MRPS2: variants seen among roughly 807,000 people sequenced by gnomAD.
MRPS2 encodes small ribosomal subunit protein uS2m.
In MRPS2, 13 loss-of-function variants were observed where a neutral mutation model predicts 18.9. The observed-to-expected ratio is 0.69, with a 90% CI of 0.45 to 1.09. The LOEUF (loss-of-function observed/expected upper bound fraction) is 1.09. Ranked by LOEUF, MRPS2 falls within the 50% of genes least tolerant of loss-of-function variation. MRPS2 has a pLI of 0.00. For synonymous variants in MRPS2, 186 were observed against 178.4 expected (o/e 1.04, Z -0.34); for missense variants, 389 against 421.7 (o/e 0.92, Z 0.68).
intron 3 of MRPS2, chr9:135,502,588 G>C (rs1356346521): frequency 6.4e-6 from 1 of 155,138 alleles, no homozygotes; most frequent in African/African-American, 2.4e-5. Flanking sequence ...TACTGAGATG[G>C]TGAAAACCAG....
At position 135,504,212 on chromosome 9, in the gene MRPS2, G is replaced by T; in HGVS notation, c.*79G>T. The T allele has an allele frequency of 7.8e-7, 1 of 1,281,220 alleles. No homozygotes were observed. The highest frequency in any genetic ancestry group is 2.5e-5 in the East Asian group (1 of 39,780). The allele number at this position is 1,281,220 out of a possible 1,614,324, so 79.4% of individuals were successfully genotyped here. A position where few individuals can be genotyped will look rare whatever the true frequency, so the allele number is the denominator to read the frequency against. On this transcript the variant is annotated 3_prime_UTR_variant, in exon 4 of 4. Coordinates refer to ENST00000241600, the MANE Select transcript of MRPS2 (RefSeq NM_016034.5). The surrounding 1 kb of genome is among the most constrained non-coding windows in gnomAD (Gnocchi z 4.3). ...CCCCTTCCCCAGCCCTGGGTCAGCG[G>T]CATCCTCAGTCGTTGTTACTTACTC...
upstream of MRPS2, chr9:135,500,119 A>G (rs573657260): frequency 6.5e-6 from 3 of 462,700 alleles, no homozygotes; most frequent in African/African-American, 6.2e-5. Flanking sequence ...CAGGGCGTGG[A>G]CTCCCGGGCG....
rs780062327 is a variant in MRPS2, at chr9:135,503,673, T to G, written c.431T>G (p.Phe144Cys). Reference protein sequence around the residue: ...HMAYRKGIILFISRNRQFSYL... With the variant: ...HMAYRKGIILCISRNRQFSYL... ...GCCTACCGCAAGGGCATCATCTTGT[T>G]TATAAGCCGCAACCGGCAGTTCTCG... Residue 144 changes from phenylalanine (F) to cysteine (C), a missense_variant, in exon 4 of 4, where the codon TTT becomes TGT. Physicochemically the swap from Phe to Cys is radical, Grantham distance 205. Transcript: ENST00000241600. The G allele has an allele frequency of 2.5e-6, 4 of 1,613,680 alleles. No individual in the cohort carries two copies. Among genetic ancestry groups the G allele is most frequent in the Non-Finnish European group, 3.4e-6 (4 of 1,180,040 alleles).
At chr9:135,502,187 C>T in intron 3 of MRPS2, 1 of 1,373,422 alleles carries the variant, frequency 7.3e-7, no homozygotes, top group Non-Finnish European at 9.4e-7. Flanking sequence ...GCGCTCACAG[C>T]CCTTGATAGG....
At chr9:135,503,498 C>T (rs756466004) in intron 3 of MRPS2, 44 bp from the exon 4 acceptor site, 2 of 1,563,926 alleles carry the variant, frequency 1.3e-6, no homozygotes, top group Non-Finnish European at 1.7e-6. Context: ...TGGAGATGGC[C>T]CCGTGAACTC....
In MRPS2 at chr9:135,504,214, A is replaced by C; in HGVS notation, c.*81A>C. ...CCTTCCCCAGCCCTGGGTCAGCGGC[A>C]TCCTCAGTCGTTGTTACTTACTCAG... On this transcript the variant is annotated 3_prime_UTR_variant, in exon 4 of 4. Coordinates refer to ENST00000241600, the MANE Select transcript of MRPS2 (RefSeq NM_016034.5). The surrounding 1 kb of genome is among the most constrained non-coding windows in gnomAD (Gnocchi z 4.3). The C allele has an allele frequency of 7.9e-7, 1 of 1,268,102 alleles. No individual in the cohort carries two copies. The highest frequency in any genetic ancestry group is 1.1e-6 in the Non-Finnish European group (1 of 938,418). The allele number at this position is 1,268,102 out of a possible 1,614,324, so 78.6% of individuals were successfully genotyped here.
rs772577776 is a variant in MRPS2 at position 135,501,878 on chromosome 9, G to A, written c.204G>A (p.Lys68=). Residue 68 remains lysine, a synonymous_variant, in exon 3 of 4, where the codon AAG becomes AAA. Transcript: ENST00000241600. ...ACAAGATTTTGAATGAGCCCCTCAA[G>A]CACTCTGACTTCTTCAATGTCAAGG... ...FNDKILNEPL[K]HSDFFNVKEL... is the part of the protein sequence containing the mutation. 6.8e-6 allele frequency: 11 copies of A among 1,613,682 alleles called. No homozygotes were observed. In the Admixed American group the frequency reaches 8.3e-5, roughly 12 times the overall value.
In MRPS2 at chr9:135,501,869, G is replaced by A; in HGVS notation, c.195G>A (p.Glu65=). 6.2e-7 allele frequency: 1 copy of A among 1,613,754 alleles called. No homozygotes were observed. Among genetic ancestry groups the A allele is most frequent in the South Asian group, 1.1e-5 (1 of 91,086 alleles). ...ATTTCAACGACAAGATTTTGAATGAGCCCCTCAAGCACTCTGACTTCTTCA... is the reference window on the plus strand; with the variant it reads ...ATTTCAACGACAAGATTTTGAATGAACCCCTCAAGCACTCTGACTTCTTCA... ...STDFNDKILN[E]PLKHSDFFNV... is the part of the protein sequence containing the mutation. Residue 65 remains glutamate, a synonymous_variant, in exon 3 of 4, where the codon GAG becomes GAA. Transcript: ENST00000241600.
At chr9:135,502,369 A>G in intron 3 of MRPS2, 9 of 187,828 alleles carry the variant, frequency 4.8e-5, no homozygotes, top group Non-Finnish European at 8.3e-5. Context: ...GGGGGAGGGG[A>G]TGGGAGGGGC....
chr9:135,500,897 G>T, intron 1 of MRPS2, 101 bp from the exon 2 acceptor site: 2 of 1,569,788 alleles, frequency 1.3e-6, no homozygotes, highest in Non-Finnish European at 1.7e-6. Context: ...GACGCGGAGG[G>T]GACCCGTTAG....
rs1436136616 is a variant in MRPS2 at position 135,504,368 on chromosome 9, C to A, written c.*235C>A. The stretch of plus-strand genomic sequence containing the variant: ...GTGAGCGACATGTGCAGAACGGCCC[C>A]TTGGCTGCAGTTAGGACCTCAGTGG... On this transcript the variant is annotated 3_prime_UTR_variant, in exon 4 of 4. Transcript: ENST00000241600. The surrounding 1 kb of genome is among the most constrained non-coding windows in gnomAD (Gnocchi z 4.3). 7.1e-6 allele frequency: 4 copies of A among 563,176 alleles called. No individual in the cohort carries two copies. The highest frequency in any genetic ancestry group is 9.4e-6 in the Non-Finnish European group (3 of 318,906). 34.9% of individuals were successfully genotyped at this position (563,176 alleles called of 1,614,324 possible). A position where few individuals can be genotyped will look rare whatever the true frequency, so the allele number is the denominator to read the frequency against.
In MRPS2 at chr9:135,503,793, G is replaced by A. The variant is rs1363215547; in HGVS notation, c.551G>A (p.Gly184Asp). ...CTGACCAACGCGCGCCTCCTCTTTG[G>A]CCCCACGGTCCGCCTGCCGGACCTC... ...GMLTNARLLFGPTVRLPDLII... is the reference protein window; with the variant it reads ...GMLTNARLLFDPTVRLPDLII... Residue 184 changes from glycine (G) to aspartate (D), a missense_variant, in exon 4 of 4, where the codon GGC (glycine) becomes GAC (aspartate). Coordinates refer to ENST00000241600, the MANE Select transcript of MRPS2 (RefSeq NM_016034.5). The A allele has an allele frequency of 6.2e-7, 1 of 1,612,786 alleles. No homozygotes were observed. The highest frequency in any genetic ancestry group is 1.3e-5 in the African/African-American group (1 of 74,890).
At chr9:135,500,090 G>GA (rs2119354241), upstream of MRPS2, 2 of 519,276 alleles carry the variant, frequency 3.9e-6, no homozygotes, top group East Asian at 7.1e-5. Context: ...CCCGCGGGGG[G>GA]ACCGGGCCAC....
intron 2 of MRPS2, chr9:135,501,435 G>A (rs1163258109): frequency 9.2e-7 from 1 of 1,082,594 alleles, no homozygotes; most frequent in Middle Eastern, 3.6e-4. Flanking sequence ...GGGCCCAAGT[G>A]ACCTGGGGGC....
chr9:135,502,279 G>T, intron 3 of MRPS2: 2 of 1,181,552 alleles, frequency 1.7e-6, no homozygotes, highest in Admixed American at 4.2e-5. Flanking sequence ...TGGTCCCCCC[G>T]GATCGGGCTG....
In MRPS2 at chr9:135,503,659, G is replaced by C; in HGVS notation, c.417G>C (p.Lys139Asn). 1 of 1,613,866 alleles carries C rather than the reference G, an allele frequency of 6.2e-7. No homozygotes were observed. Among genetic ancestry groups the C allele is most frequent in the Non-Finnish European group, 8.5e-7 (1 of 1,180,026 alleles). The stretch of plus-strand genomic sequence containing the variant: ...TCACCGCCCACATGGCCTACCGCAA[G>C]GGCATCATCTTGTTTATAAGCCGCA... ...LNFTAHMAYR[K>N]GIILFISRNR... is the part of the protein sequence containing the mutation. Residue 139 changes from lysine to asparagine, a missense_variant, in exon 4 of 4, where the codon AAG becomes AAC. Transcript: ENST00000241600.
upstream of MRPS2, chr9:135,500,165 G>A (rs1460847390): frequency 4.9e-6 from 2 of 407,650 alleles, no homozygotes; most frequent in Non-Finnish European, 8.7e-6. Flanking sequence ...CGCCAGCCGG[G>A]TGACGGGGTT....
upstream of MRPS2, chr9:135,500,522 A>C: frequency 3.7e-6 from 2 of 542,370 alleles, no homozygotes; most frequent in Non-Finnish European, 6.0e-6. Flanking sequence ...CGAGACTCTC[A>C]AGCCCAGGAC....
At chr9:135,502,641 T>C (rs149786121) in intron 3 of MRPS2, 1 of 153,618 alleles carries the variant, frequency 6.5e-6, no homozygotes, top group East Asian at 1.9e-4. Flanking sequence ...CTACCAGGTA[T>C]GAACCCTTTG....
Sources: gnomAD v4.1 joint callset for allele counts on GRCh38, gnomAD v4.1.1 for gene constraint, Gnocchi (gnomAD v3.1) non-coding constraint, MANE v1.5 for transcripts, NCBI Gene and HGNC (gene_info 2026-07-23, HGNC 2026-07-21) for gene names.